RUNDC3A: variants seen among roughly 807,000 people sequenced by gnomAD.
The protein encoded by RUNDC3A is RUN domain-containing protein 3A.
In RUNDC3A, 28 loss-of-function variants were observed where a neutral mutation model predicts 53.9. The observed-to-expected ratio is 0.52, with a 90% confidence interval of 0.38 to 0.71. The LOEUF is 0.71. Among genes scored for constraint, RUNDC3A ranks in the 30% least tolerant of loss-of-function variants. The pLI is 0.00. For synonymous variants in RUNDC3A, 232 were observed against 249.4 expected (o/e 0.93, Z 0.66); for missense variants, 491 against 597.3 (o/e 0.82, Z 1.85).
intron 2 of RUNDC3A, 124 bp from the exon 3 acceptor site, chr17:44,312,980 T>C: frequency 9.5e-7 from 1 of 1,056,770 alleles, no homozygotes; most frequent in African/African-American, 1.6e-5. Context: ...ACTGCACACG[T>C]GCATGTGTGT....
At chr17:44,313,573 C>G in intron 4 of RUNDC3A, 70 bp downstream of exon 4, 1 of 1,538,930 alleles carries the variant, frequency 6.5e-7, no homozygotes, top group Non-Finnish European at 8.8e-7. Flanking sequence ...ACAGCTGATC[C>G]TTAAGTTCCT....
chr17:44,318,539 AG>A lies in RUNDC3A; in HGVS notation c.*303del. ...CTTCACTCATCTCCCCTGCCCCCTCAGGAACTGGTGGCCCAGCTTCCACACC... is the reference window on the plus strand; with the variant it reads ...CTTCACTCATCTCCCCTGCCCCCTCAGAACTGGTGGCCCAGCTTCCACACC... On this transcript the variant is annotated 3_prime_UTR_variant, in exon 11 of 11. Coordinates refer to ENST00000426726, the MANE Select transcript of RUNDC3A (RefSeq NM_001144825.2). 5.4e-6 allele frequency: 2 copies of A among 369,314 alleles called. No individual in the cohort carries two copies. Among genetic ancestry groups the A allele is most frequent in the Non-Finnish European group, 1.0e-5 (2 of 198,170 alleles). 22.9% of individuals were successfully genotyped at this position (369,314 alleles called of 1,614,324 possible).
intron 10 of RUNDC3A, chr17:44,317,516 G>C (rs752019641): frequency 7.7e-6 from 6 of 780,680 alleles, no homozygotes; most frequent in Non-Finnish European, 1.2e-5. Flanking sequence ...GGCTCCCTTC[G>C]AGCGAATGCC....
At chr17:44,314,028 T>C in intron 4 of RUNDC3A, 1 of 992,262 alleles carries the variant, frequency 1.0e-6, no homozygotes, top group Non-Finnish European at 1.2e-6. Flanking sequence ...CTAATGCCCA[T>C]TATTTGCCAT....
chr17:44,318,207 C>A lies in RUNDC3A; in HGVS notation c.1310C>A (p.Pro437His), dbSNP rs1296970638. 9 of 1,551,250 alleles carry A rather than the reference C, an allele frequency of 5.8e-6. No homozygotes were observed. Among genetic ancestry groups the A allele is most frequent in the Non-Finnish European group, 7.8e-6 (9 of 1,146,980 alleles). ...AACGAGTGCCTGGTGAGCGACAGTC[C>A]CGAGGGCAGCCCAGCACTGAGCCCC... ...KSNECLVSDS[P>H]EGSPALSPS The change falls in exon 11 of 11, where the codon CCC becomes CAC. Residue 437 changes from proline (P) to histidine (H), a missense_variant. Pro to His is a moderately conservative substitution (Grantham distance 77). Transcript: ENST00000426726.
At chr17:44,313,651 G>C in intron 4 of RUNDC3A, 148 bp downstream of exon 4, 1 of 1,355,136 alleles carries the variant, frequency 7.4e-7, no homozygotes, top group Non-Finnish European at 9.5e-7. Flanking sequence ...CCCTCTTCCA[G>C]CCTGGCCTGC....
In RUNDC3A at chr17:44,318,222, C is replaced by T. The variant is rs1450013485; in HGVS notation, c.1325C>T (p.Ala442Val). Reference protein sequence around the residue: ...LVSDSPEGSPALSPS With the variant: ...LVSDSPEGSPVLSPS ...AGCGACAGTCCCGAGGGCAGCCCAGCACTGAGCCCCAGCTGAGGAACAGCA... is the reference window on the plus strand; with the variant it reads ...AGCGACAGTCCCGAGGGCAGCCCAGTACTGAGCCCCAGCTGAGGAACAGCA... The change falls in exon 11 of 11, where the codon GCA becomes GTA. Residue 442 changes from alanine to valine, a missense_variant. This residue lies in a region of RUNDC3A where 218 missense variants were observed against 208.2 expected (regional missense o/e 1.05). Transcript: ENST00000426726. 2 of 1,550,826 alleles carry T rather than the reference C, an allele frequency of 1.3e-6. No individual in the cohort carries two copies. Among genetic ancestry groups the T allele is most frequent in the East Asian group, 2.4e-5 (1 of 40,908 alleles).
At position 44,308,621 on chromosome 17, in the gene RUNDC3A, A is replaced by G; in HGVS notation, c.-212A>G. ...ACGGGGCCCCGGCTCAGCACCTCGG[A>G]GAGCTCCCTCCCCGGCCTTGTTTTG... On this transcript the variant is annotated 5_prime_UTR_variant, in exon 1 of 11. Transcript: ENST00000426726. The G allele has an allele frequency of 2.2e-6, 1 of 446,106 alleles. No homozygotes were observed. Among genetic ancestry groups the G allele is most frequent in the Non-Finnish European group, 4.0e-6 (1 of 252,914 alleles). The allele number at this position is 446,106 out of a possible 1,614,324, so 27.6% of individuals were successfully genotyped here.
intron 2 of RUNDC3A, among the ~76,000 whole-genome samples, 191 bp downstream of exon 2, chr17:44,312,886 A>G (rs886410675): frequency 1.3e-5 from 2 of 152,116 alleles, no homozygotes; most frequent in African/African-American, 4.8e-5. Context: ...GGCCATGCAC[A>G]GAAGCTTGTG....
rs2047920479 is a variant in RUNDC3A at position 44,318,485 on chromosome 17, G to A, written c.*247G>A. ...CCACAGGGAGCCCCTGGGGAAGCCT[G>A]CTCCATTCTTCTGGTGACCTTGGCG... On this transcript the variant is annotated 3_prime_UTR_variant, in exon 11 of 11. Coordinates refer to ENST00000426726, the MANE Select transcript of RUNDC3A (RefSeq NM_001144825.2). 5.7e-6 allele frequency: 3 copies of A among 527,256 alleles called. No individual in the cohort carries two copies. Among genetic ancestry groups the A allele is most frequent in the Non-Finnish European group, 1.0e-5 (3 of 292,486 alleles). The allele number at this position is 527,256 out of a possible 1,614,324, so 32.7% of individuals were successfully genotyped here.
At chr17:44,313,067 C>A in intron 2 of RUNDC3A, 37 bp from the exon 3 acceptor site, 1 of 1,608,904 alleles carries the variant, frequency 6.2e-7, no homozygotes, top group Non-Finnish European at 8.5e-7. Flanking sequence ...CTCCAAACTC[C>A]CTGGTCTTGC....
Position 44,318,504 on chromosome 17 carries a change from C to A in RUNDC3A, c.*266C>A. The A allele has an allele frequency of 2.1e-6, 1 of 480,074 alleles. No homozygotes were observed. Among genetic ancestry groups the A allele is most frequent in the Non-Finnish European group, 3.8e-6 (1 of 263,408 alleles). The allele number at this position is 480,074 out of a possible 1,614,324, so 29.7% of individuals were successfully genotyped here. A position where few individuals can be genotyped will look rare whatever the true frequency, so the allele number is the denominator to read the frequency against. ...AAGCCTGCTCCATTCTTCTGGTGACCTTGGCGCTCCTTCACTCATCTCCCC... is the reference window on the plus strand; with the variant it reads ...AAGCCTGCTCCATTCTTCTGGTGACATTGGCGCTCCTTCACTCATCTCCCC... On this transcript the variant is annotated 3_prime_UTR_variant, in exon 11 of 11. Transcript: ENST00000426726.
rs773874896 is a variant in RUNDC3A, at chr17:44,314,725, C to T, written c.459-10C>T. 7 of 1,606,956 alleles carry T rather than the reference C, an allele frequency of 4.4e-6. No homozygotes were observed. Among genetic ancestry groups the T allele is most frequent in the Non-Finnish European group, 5.9e-6 (7 of 1,177,104 alleles). On this transcript the variant is annotated splice_polypyrimidine_tract_variant and intron_variant, in intron 4 of 10. Coordinates refer to ENST00000426726, the MANE Select transcript of RUNDC3A (RefSeq NM_001144825.2). ...CCTGCTGCATCCTCTGGCCCTCTGC[C>T]TCCCCACAGACGGTTCTATGACTCT...
At chr17:44,317,331 G>C (rs551829733) in intron 10 of RUNDC3A, among the ~76,000 whole-genome samples, 11 of 152,252 alleles carry the variant, frequency 7.2e-5, no homozygotes, top group Non-Finnish European at 1.2e-4. Context: ...CACCAATGTT[G>C]TCACATGGTG....
chr17:44,310,122 T>A (rs754883451), intron 1 of RUNDC3A: 1 of 152,296 alleles, frequency 6.6e-6, no homozygotes, highest in Non-Finnish European at 1.5e-5. Flanking sequence ...TGCCAGTGTG[T>A]TATAAAACAA....
Position 44,308,777 on chromosome 17 carries a change from G to C in RUNDC3A, c.-56G>C. 13 of 1,256,184 alleles carry C rather than the reference G, an allele frequency of 1.0e-5. No homozygotes were observed. Among genetic ancestry groups the C allele is most frequent in the Non-Finnish European group, 1.2e-5 (11 of 906,428 alleles). The allele number at this position is 1,256,184 out of a possible 1,614,324, so 77.8% of individuals were successfully genotyped here. On this transcript the variant is annotated 5_prime_UTR_variant, in exon 1 of 11. Transcript: ENST00000426726. ...AGCCGTGATCCAGCGACGGGTTTGG[G>C]GCTCCGGGAGGGGTGGGGGGGCAGC...
chr17:44,315,053 G>C lies in RUNDC3A; in HGVS notation c.629+44G>C. ...GCGGCGGGGCGGGGGACGGGGCCTCGGGACATCCTGGGGACGTCCTGGTCC... is the reference window on the plus strand; with the variant it reads ...GCGGCGGGGCGGGGGACGGGGCCTCCGGACATCCTGGGGACGTCCTGGTCC... On this transcript the variant is annotated intron_variant, in intron 6 of 10. Transcript: ENST00000426726. The surrounding 1 kb of genome is among the most constrained non-coding windows in gnomAD (Gnocchi z 6.1). 1 of 1,611,390 alleles carries C rather than the reference G, an allele frequency of 6.2e-7. No individual in the cohort carries two copies. Among genetic ancestry groups the C allele is most frequent in the Non-Finnish European group, 8.5e-7 (1 of 1,179,094 alleles).
Position 44,316,716 on chromosome 17 carries a change from G to A in RUNDC3A, c.1189G>A (p.Gly397Ser), listed in dbSNP as rs1333589874. 3.2e-6 allele frequency: 5 copies of A among 1,548,010 alleles called. No individual in the cohort carries two copies. The highest frequency in any genetic ancestry group is 2.4e-5 in the East Asian group (1 of 40,916). The change falls in exon 10 of 11, where the codon GGT (glycine) becomes AGT (serine). Residue 397 changes from glycine to serine, a missense_variant. Physicochemically the swap from Gly to Ser is moderately conservative, Grantham distance 56. This residue lies in a region of RUNDC3A where 218 missense variants were observed against 208.2 expected (regional missense o/e 1.05). Coordinates refer to ENST00000426726, the MANE Select transcript of RUNDC3A (RefSeq NM_001144825.2). ...GEGTRDEEPWGPIGKDPTPSM... is the reference protein window; with the variant it reads ...GEGTRDEEPWSPIGKDPTPSM... The stretch of plus-strand genomic sequence containing the variant: ...GGGCACGCGGGACGAGGAGCCCTGG[G>A]GTCCCATCGGTGAGCTCCCCCAACC...
rs577589668 is a variant in RUNDC3A at position 44,317,018 on chromosome 17, C to T, written c.1198+293C>T. ...GTGTATTTTTAGTAGAGACGCGCGG[C>T]TAATTTGTGTATTTTTAGTAGAGAC... is the stretch of plus-strand genomic sequence containing the variant. On this transcript the variant is annotated intron_variant, in intron 10 of 10. Transcript: ENST00000426726. The T allele has an allele frequency of 9.9e-5, 42 of 422,776 alleles. No homozygotes were observed. In the South Asian group the frequency reaches 1.8e-3, roughly 18 times the overall value. 26.2% of individuals were successfully genotyped at this position (422,776 alleles called of 1,614,324 possible).
Sources: gnomAD v4.1 joint callset for allele counts (sites outside exome capture counted in the v4.1 genomes callset) on GRCh38, gnomAD v4.1.1 for gene constraint, gnomAD v4.1.1 regional missense constraint, Gnocchi (gnomAD v3.1) non-coding constraint, MANE v1.5 for transcripts, NCBI Gene and HGNC (gene_info 2026-07-23, HGNC 2026-07-21) for gene names.